Variants in TMC5 observed in about 807,000 individuals in gnomAD.
TMC5 encodes transmembrane channel-like protein 5.
TMC5 carries 86 observed loss-of-function variants against 110.5 expected under a neutral mutation model. The ratio of observed to expected loss-of-function variants is 0.78; its 90% CI spans 0.65 to 0.93. The LOEUF (loss-of-function observed/expected upper bound fraction) is 0.93. TMC5 is among the 40% of genes least tolerant of loss of function. TMC5 has a pLI of 0.00. For synonymous variants in TMC5, 455 were observed against 439.5 expected (o/e 1.04, Z -0.44); for missense variants, 1,144 against 1,222.8 (o/e 0.94, Z 0.96).
chr16:19,446,966 A>G (rs1460770984), intron 4 of TMC5, among the ~76,000 whole-genome samples: 6 of 152,016 alleles, frequency 3.9e-5, no homozygotes, highest in Non-Finnish European at 5.9e-5. Flanking sequence ...TGCTCTTCCT[A>G]GTGTCACAGT....
intron 5 of TMC5, among the ~76,000 whole-genome samples, chr16:19,455,207 G>A (rs866911729): frequency 2.0e-5 from 3 of 151,918 alleles, no homozygotes; most frequent in Admixed American, 6.6e-5. Context: ...CAGCACTTTG[G>A]GAGGCTGAGG....
intron 6 of TMC5, chr16:19,462,626 G>T: frequency 1.5e-6 from 1 of 669,604 alleles, no homozygotes; most frequent in Non-Finnish European, 2.7e-6. Context: ...TCGGCTGGGT[G>T]TGGTGGCTCA....
chr16:19,470,228 G>A (rs1205903812), intron 10 of TMC5, among the ~76,000 whole-genome samples: 4 of 147,128 alleles, frequency 2.7e-5, no homozygotes, highest in Non-Finnish European at 5.9e-5. Context: ...TCACTCCGCC[G>A]CCCAGGCTGG....
upstream of TMC5, among the ~76,000 whole-genome samples, chr16:19,417,181 G>C (rs1966883211): frequency 6.6e-6 from 1 of 151,066 alleles, no homozygotes; most frequent in Non-Finnish European, 1.5e-5. Context: ...CAGTTTTGGA[G>C]ACCGAGATGG....
intron 2 of TMC5, among the ~76,000 whole-genome samples, chr16:19,438,812 AG>A (rs1190659503): frequency 1.3e-5 from 2 of 152,234 alleles, no homozygotes; most frequent in African/African-American, 4.8e-5. Flanking sequence ...AAGTGTTAAA[AG>A]AAAAACTTTA....
Position 19,492,312 on chromosome 16 carries a change from A to G in TMC5, c.2826+84A>G, listed in dbSNP as rs1968928063. The G allele has an allele frequency of 5.3e-6, 5 of 938,110 alleles. No individual in the cohort carries two copies. In the South Asian group the frequency reaches 5.7e-5, roughly 11 times the overall value. 58.1% of individuals were successfully genotyped at this position (938,110 alleles called of 1,614,324 possible). On this transcript the variant is annotated intron_variant, in intron 19 of 21. Coordinates refer to ENST00000542583, the MANE Select transcript of TMC5 (RefSeq NM_001261841.2). ...CATCCTCCAAAATAAAGAGAATACT[A>G]CAATGAACTCTCATATCCCTGCTCT...
At chr16:19,457,109 G>A in intron 5 of TMC5, 3 of 1,110,116 alleles carry the variant, frequency 2.7e-6, no homozygotes, top group Non-Finnish European at 3.8e-6. Context: ...ATCAAGTGGG[G>A]CCAGGCGTGG....
chr16:19,419,145 C>T (rs1966921739), intron 1 of TMC5, among the ~76,000 whole-genome samples: 1 of 152,148 alleles, frequency 6.6e-6, no homozygotes, highest in Non-Finnish European at 1.5e-5. Flanking sequence ...GTTACTTAAC[C>T]TCTCTGGGTC....
chr16:19,447,227 T>C (rs909120853), intron 4 of TMC5, among the ~76,000 whole-genome samples: 2 of 152,134 alleles, frequency 1.3e-5, no homozygotes, highest in African/African-American at 2.4e-5. Context: ...TTAGTTCTAG[T>C]GTCCCTCTTC....
chr16:19,444,312 G>A, intron 4 of TMC5, 62 bp downstream of exon 4: 1 of 1,501,132 alleles, frequency 6.7e-7, no homozygotes. Context: ...GGATTTAGGG[G>A]TGCAATCATT....
intron 1 of TMC5, among the ~76,000 whole-genome samples, chr16:19,429,143 A>G (rs369858833): frequency 1.2e-3 from 184 of 152,040 alleles, no homozygotes; most frequent in African/African-American, 4.1e-3. Flanking sequence ...TTATTTTCCT[A>G]TTCATAGGTT....
chr16:19,440,225 C>G lies in TMC5; in HGVS notation c.187C>G (p.Pro63Ala). 1 of 1,614,166 alleles carries G rather than the reference C, an allele frequency of 6.2e-7. No homozygotes were observed. The highest frequency in any genetic ancestry group is 8.5e-7 in the Non-Finnish European group (1 of 1,180,030). Residue 63 changes from proline to alanine, a missense_variant, in exon 3 of 22, where the codon CCA becomes GCA. Physicochemically the swap from Pro to Ala is conservative, Grantham distance 27. Transcript: ENST00000542583. ...ATACTCTGTAGCCTCCAGAACACGT[C>G]CAGACTATCCTGGGTCTCTGGCAGA... ...NPYSVASRTR[P>A]DYPGSLAEPN...
chr16:19,479,445 C>A lies in TMC5; in HGVS notation c.2184C>A (p.Leu728=). 6.2e-7 allele frequency: 1 copy of A among 1,613,946 alleles called. No individual in the cohort carries two copies. Among genetic ancestry groups the A allele is most frequent in the Non-Finnish European group, 8.5e-7 (1 of 1,179,852 alleles). The change falls in exon 14 of 22, where the codon CTC becomes CTA. Residue 728 remains leucine, a synonymous_variant. Coordinates refer to ENST00000542583, the MANE Select transcript of TMC5 (RefSeq NM_001261841.2). The stretch of plus-strand genomic sequence containing the variant: ...TTGCCTTCCAGTGTTGGGAAACCCT[C>A]ATTGGCCAGGACATCTACCGGCTCC... ...ALSGEECWET[L]IGQDIYRLLL... is the part of the protein sequence containing the mutation.
In TMC5 at chr16:19,444,243, T is replaced by C; in HGVS notation, c.951T>C (p.Ser317=). The change falls in exon 4 of 22, where the codon AGT becomes AGC. Residue 317 remains serine (S), a synonymous_variant. Transcript: ENST00000542583. The part of the protein sequence containing the change: ...YGHSLPGAPG[S]GYVNPAYVGE... ...ACTCTCTGCCAGGTGCTCCTGGAAG[T>C]GGCTATGGTAAGCATTTGTTAAGCC... 6.2e-7 allele frequency: 1 copy of C among 1,613,632 alleles called. No homozygotes were observed. The highest frequency in any genetic ancestry group is 8.5e-7 in the Non-Finnish European group (1 of 1,179,974).
intron 12 of TMC5, 46 bp downstream of exon 12, chr16:19,474,322 A>T: frequency 1.3e-5 from 21 of 1,588,406 alleles, no homozygotes; most frequent in Non-Finnish European, 1.7e-5. Context: ...TTCCACAGAG[A>T]GAAGTGGGAT....
At chr16:19,430,725 C>T (rs1340196386) in intron 2 of TMC5, 85 bp downstream of exon 2, 1 of 151,960 alleles carries the variant, frequency 6.6e-6, no homozygotes, top group Non-Finnish European at 1.5e-5. Context: ...TTTTTTAAGT[C>T]CATAAAATGT....
At chr16:19,412,899 C>T (rs1456683211), upstream of TMC5, among the ~76,000 whole-genome samples, 1 of 152,186 alleles carries the variant, frequency 6.6e-6, no homozygotes, top group East Asian at 1.9e-4. Flanking sequence ...AGTTGCAGTG[C>T]AGTGGCACAA....
chr16:19,425,976 C>A (rs548127758), intron 1 of TMC5, among the ~76,000 whole-genome samples: 1 of 152,210 alleles, frequency 6.6e-6, no homozygotes, highest in African/African-American at 2.4e-5. Flanking sequence ...CGTGAGCCAC[C>A]GCACCCAGCC....
At chr16:19,474,064 T>G in intron 11 of TMC5, 61 bp from the exon 12 acceptor site, 4 of 1,508,866 alleles carry the variant, frequency 2.7e-6, no homozygotes, top group Non-Finnish European at 3.6e-6. Context: ...GACTTTTGAG[T>G]GAAGCAGAAA....
Sources: gnomAD v4.1 joint callset for allele counts (sites outside exome capture counted in the v4.1 genomes callset) on GRCh38, gnomAD v4.1.1 for gene constraint, MANE v1.5 for transcripts, NCBI Gene and HGNC (gene_info 2026-07-23, HGNC 2026-07-21) for gene names.